Variants in DOCK8 observed in about 807,000 individuals in gnomAD.
DOCK8 encodes the protein dedicator of cytokinesis protein 8.
In DOCK8, 141 loss-of-function variants were observed where a neutral mutation model predicts 245.6. The ratio of observed to expected loss-of-function variants is 0.57; its 90% CI spans 0.50 to 0.66. The LOEUF is 0.66. DOCK8 is among the 30% of genes least tolerant of loss of function. The pLI is 0.00. For missense variants in DOCK8, 2,965 were observed against 2,603.4 expected (o/e 1.14, Z -3.02); for synonymous variants, 1,168 against 970.2 (o/e 1.20, Z -3.79).
At chr9:346,517 C>G (rs113620568) in intron 14 of DOCK8, among the ~76,000 whole-genome samples, 32 of 152,222 alleles carry the variant, frequency 2.1e-4, no homozygotes, top group Non-Finnish European at 4.1e-4. Context: ...ACATAAAGTA[C>G]GTTTTCATCT....
Position 448,384 on chromosome 9 carries a change from A to T in DOCK8, c.5818-1400A>T, listed in dbSNP as rs1042039447. 3.3e-5 allele frequency among the ~76,000 whole-genome samples: 5 copies of T among 152,202 alleles called. No homozygotes were observed. The East Asian group carries it at 9.6e-4, about 29-fold the overall frequency. ...CAGCCTCCCAAGGTGCTGGGATTAC[A>T]AGTGTGAGCCACTGCACCAGCCTGA... On this transcript the variant is annotated intron_variant, in intron 44 of 47. Transcript: ENST00000432829.
intron 1 of DOCK8, among the ~76,000 whole-genome samples, chr9:268,526 C>T (rs2048086192): frequency 6.6e-6 from 1 of 152,204 alleles, no homozygotes; most frequent in Non-Finnish European, 1.5e-5. Flanking sequence ...TCCTTCCTGC[C>T]TCTTTGATCC....
chr9:339,687 T>C (rs1423064291), intron 13 of DOCK8, among the ~76,000 whole-genome samples: 1 of 152,210 alleles, frequency 6.6e-6, no homozygotes, highest in East Asian at 1.9e-4. Flanking sequence ...GCTTATTTTT[T>C]GTATTTTTAG....
chr9:236,172 A>T (rs1386229059), intron 1 of DOCK8, among the ~76,000 whole-genome samples: 1 of 152,000 alleles, frequency 6.6e-6, no homozygotes, highest in Non-Finnish European at 1.5e-5. Flanking sequence ...CACCAACCTT[A>T]GTGTGTGGCT....
At chr9:221,954 G>C (rs2046892432) in intron 1 of DOCK8, among the ~76,000 whole-genome samples, 1 of 151,842 alleles carries the variant, frequency 6.6e-6, no homozygotes, top group Non-Finnish European at 1.5e-5. Context: ...CTATTATTGG[G>C]CATGAAGATA....
At chr9:299,550 A>C (rs1453706052) in intron 4 of DOCK8, among the ~76,000 whole-genome samples, 1 of 151,646 alleles carries the variant, frequency 6.6e-6, no homozygotes, top group Admixed American at 6.6e-5. Context: ...GGTGTGAGCC[A>C]CTGCACCCAG....
intron 1 of DOCK8, among the ~76,000 whole-genome samples, chr9:270,389 C>T (rs1246899214): frequency 6.6e-6 from 1 of 152,070 alleles, no homozygotes; most frequent in Non-Finnish European, 1.5e-5. Flanking sequence ...AGTTATGTGC[C>T]CACTCTTTTG....
At chr9:297,664 C>T (rs1241582363) in intron 4 of DOCK8, among the ~76,000 whole-genome samples, 1 of 152,092 alleles carries the variant, frequency 6.6e-6, no homozygotes, top group Non-Finnish European at 1.5e-5. Context: ...AGTGATGGTT[C>T]CTTCTGTGGC....
In DOCK8 at chr9:446,480, C is replaced by A. The variant is rs753936319; in HGVS notation, c.5691C>A (p.Thr1897=). The change falls in exon 44 of 48, where the codon ACC becomes ACA. Residue 1897 remains threonine, a synonymous_variant. Coordinates refer to ENST00000432829, the MANE Select transcript of DOCK8 (RefSeq NM_203447.4). ...ACCTCCGGAGGTTCATGTACACCAC[C>A]CCGTTCACCCTGGAGGGGCGGCCTC... ...NFNLRRFMYT[T]PFTLEGRPRG... 6.2e-7 allele frequency: 1 copy of A among 1,614,186 alleles called. No homozygotes were observed. Among genetic ancestry groups the A allele is most frequent in the South Asian group, 1.1e-5 (1 of 91,076 alleles).
chr9:450,039 A>C (rs13295842), intron 45 of DOCK8, 112 bp downstream of exon 45: 1 of 1,228,366 alleles, frequency 8.1e-7, no homozygotes, highest in Non-Finnish European at 1.1e-6. Flanking sequence ...ATAGACAAAC[A>C]CAGAAATGTT....
rs749045514 is a variant in DOCK8, at chr9:355,192, CTT to C, written c.1680-12797_1680-12796del. Among the ~76,000 whole-genome samples, 607 of 121,096 alleles carry C rather than the reference CTT, an allele frequency of 5.0e-3. 23 individuals are homozygous for C. The highest frequency in any genetic ancestry group is 0.018 in the African/African-American group (549 of 30,504). 79.4% of individuals were successfully genotyped at this position (121,096 alleles called of 152,430 possible). A position where few individuals can be genotyped will look rare whatever the true frequency, so the allele number is the denominator to read the frequency against. ...AGACTGGTGTATTTCTGTTTCTTTT[CTT>C]TTTTTTTTTTTTTTTTTTTTTTTTT... On this transcript the variant is annotated intron_variant, in intron 14 of 47. Transcript: ENST00000432829.
chr9:256,369 C>T (rs1008843456), intron 1 of DOCK8, among the ~76,000 whole-genome samples: 3 of 152,172 alleles, frequency 2.0e-5, no homozygotes, highest in Admixed American at 6.5e-5. Context: ...GTTCTTAGGT[C>T]GGAACAGGCT....
At chr9:425,607 C>T (rs986436788) in intron 33 of DOCK8, among the ~76,000 whole-genome samples, 1 of 149,320 alleles carries the variant, frequency 6.7e-6, no homozygotes, top group Non-Finnish European at 1.5e-5. Flanking sequence ...TACTTTATCA[C>T]GATATAAAAA....
intron 14 of DOCK8, among the ~76,000 whole-genome samples, 179 bp from the exon 15 acceptor site, chr9:367,839 G>A (rs555085828): frequency 6.6e-6 from 1 of 152,146 alleles, no homozygotes; most frequent in East Asian, 1.9e-4. Flanking sequence ...ATTTTCAGAT[G>A]ACTGTAGCTG....
intron 14 of DOCK8, among the ~76,000 whole-genome samples, chr9:355,696 T>C (rs1420899654): frequency 6.6e-6 from 1 of 152,192 alleles, no homozygotes; most frequent in Non-Finnish European, 1.5e-5. Flanking sequence ...TATTTTCAAA[T>C]AGTGGGGAGA....
chr9:454,994 C>T (rs923007013), intron 46 of DOCK8, among the ~76,000 whole-genome samples: 8 of 152,148 alleles, frequency 5.3e-5, no homozygotes, highest in African/African-American at 1.9e-4. Flanking sequence ...ATCATTCTCC[C>T]CAGATGGCCT....
In DOCK8 at chr9:452,135, T is replaced by C. The variant is rs1480534000; in HGVS notation, c.6068+18T>C. On this transcript the variant is annotated intron_variant, in intron 46 of 47. Coordinates refer to ENST00000432829, the MANE Select transcript of DOCK8 (RefSeq NM_203447.4). The stretch of plus-strand genomic sequence containing the variant: ...ATCATGAGGTAAGAAGGAAAATGGC[T>C]GGGAATTTCAGTAGAGCAGTGGTTC... The C allele has an allele frequency of 6.5e-7, 1 of 1,546,644 alleles. No homozygotes were observed. The highest frequency in any genetic ancestry group is 8.9e-7 in the Non-Finnish European group (1 of 1,120,242).
intron 1 of DOCK8, among the ~76,000 whole-genome samples, chr9:245,204 A>G (rs1322692837): frequency 6.6e-6 from 1 of 151,786 alleles, no homozygotes. Flanking sequence ...TTATTTATTT[A>G]TTCATTTATT....
At chr9:255,942 G>A (rs940810988) in intron 1 of DOCK8, among the ~76,000 whole-genome samples, 3 of 152,032 alleles carry the variant, frequency 2.0e-5, no homozygotes, top group African/African-American at 4.8e-5. Flanking sequence ...CAGGCCATAC[G>A]ATTTCACCAA....
Sources: gnomAD v4.1 joint callset for allele counts (sites outside exome capture counted in the v4.1 genomes callset) on GRCh38, gnomAD v4.1.1 for gene constraint, MANE v1.5 for transcripts, NCBI Gene and HGNC (gene_info 2026-07-23, HGNC 2026-07-21) for gene names.